The following SON variants were observed in gnomAD, a reference collection of about 807,000 sequenced individuals.
The protein encoded by SON is SON DNA and RNA binding protein, also known as protein SON.
SON carries 4 observed loss-of-function variants against 173.3 expected under a neutral mutation model. The ratio of observed to expected loss-of-function variants is 0.02; its 90% CI spans 0.01 to 0.05. The LOEUF is 0.05. Among genes scored for constraint, SON ranks in the 10% least tolerant of loss-of-function variants. The probability of loss-of-function intolerance (pLI) is 1.00; values close to 1 mark genes in which losing one functional copy is unlikely to be tolerated. For synonymous variants in SON, 1,190 were observed against 1,105.9 expected (o/e 1.08, Z -1.51); for missense variants, 2,626 against 3,055.3 (o/e 0.86, Z 3.31).
Position 33,577,196 on chromosome 21 carries a change from A to G in SON, c.*772A>G, listed in dbSNP as rs1180510228. ...AGAATTCTATTGCAGAGGCCAGTACATTTAGTATGGCATTGAGTTGTGATA... is the reference window on the plus strand; with the variant it reads ...AGAATTCTATTGCAGAGGCCAGTACGTTTAGTATGGCATTGAGTTGTGATA... On this transcript the variant is annotated 3_prime_UTR_variant, in exon 12 of 12. Transcript: ENST00000356577. 6.6e-6 allele frequency: 1 copy of G among 152,366 alleles called. No individual in the cohort carries two copies. The highest frequency in any genetic ancestry group is 6.5e-5 in the Admixed American group (1 of 15,298). 9.4% of individuals were successfully genotyped at this position (152,366 alleles called of 1,614,324 possible).
At chr21:33,572,836 G>C (rs2086316226) in intron 8 of SON, among the ~76,000 whole-genome samples, 1 of 151,176 alleles carries the variant, frequency 6.6e-6, no homozygotes, top group South Asian at 2.1e-4. Context: ...ATAGTAGAAT[G>C]GGGAAGAAAA....
chr21:33,571,335 T>G (rs527427344), intron 8 of SON, among the ~76,000 whole-genome samples: 1 of 152,352 alleles, frequency 6.6e-6, no homozygotes, highest in South Asian at 2.1e-4. Flanking sequence ...GTCTACTCAT[T>G]AAATGTTTAG....
At chr21:33,575,439 AAG>A (rs1216440422) in intron 9 of SON, 155 bp from the exon 10 acceptor site, 2 of 503,542 alleles carry the variant, frequency 4.0e-6, no homozygotes, top group East Asian at 3.0e-5. Flanking sequence ...AAAACAGTAA[AAG>A]AGAAGAAAGA....
chr21:33,552,402 T>C lies in SON; in HGVS notation c.3171T>C (p.Ser1057=), dbSNP rs766056975. The change falls in exon 3 of 12, where the codon TCT becomes TCC. Residue 1057 remains serine (S), a synonymous_variant. Coordinates refer to ENST00000356577, the MANE Select transcript of SON (RefSeq NM_138927.4). This position sits in a 1 kb window ranked among gnomAD's most constrained non-coding sequence, Gnocchi z 5.6. ...TGATGTCCCCTATGGCTGAGCGCTC[T>C]ATGATGTCAGCTTATGAACGCTCCA... The part of the protein sequence containing the change: ...RSMMSPMAER[S]MMSAYERSMM... The C allele has an allele frequency of 4.0e-5, 65 of 1,613,920 alleles. No homozygotes were observed. The highest frequency in any genetic ancestry group is 1.3e-4 in the South Asian group (12 of 91,082).
At position 33,567,445 on chromosome 21, in the gene SON, C is replaced by G. The variant is rs142969825; in HGVS notation, c.6768+178C>G. 3.5e-3 allele frequency: 2,091 copies of G among 589,872 alleles called. 5 individuals carry two copies. Among genetic ancestry groups the G allele is most frequent in the Non-Finnish European group, 4.5e-3 (1,452 of 322,892 alleles). The allele number at this position is 589,872 out of a possible 1,614,324, so 36.5% of individuals were successfully genotyped here. On this transcript the variant is annotated intron_variant, in intron 7 of 11. Coordinates refer to ENST00000356577, the MANE Select transcript of SON (RefSeq NM_138927.4). ...GTGATTCGAGGCCTGATCATTTATT[C>G]AATAAATGTTTATTGTTTACTATGT... is the stretch of plus-strand genomic sequence containing the variant.
At chr21:33,546,449 T>C (rs2085619290) in intron 2 of SON, 70 bp downstream of exon 2, 2 of 1,284,898 alleles carry the variant, frequency 1.6e-6, no homozygotes, top group African/African-American at 3.0e-5. Flanking sequence ...AAGGTTAATG[T>C]TAGTTTTTGA....
At chr21:33,547,502 T>C (rs1323660651) in intron 2 of SON, among the ~76,000 whole-genome samples, 1 of 152,150 alleles carries the variant, frequency 6.6e-6, no homozygotes, top group African/African-American at 2.4e-5. Flanking sequence ...TGTAATATGG[T>C]TGGTTTGTCC....
chr21:33,576,666 CAT>C lies in SON; in HGVS notation c.*243_*244del, dbSNP rs1417123328. The C allele has an allele frequency of 3.3e-6, 2 of 610,518 alleles. No individual in the cohort carries two copies. The highest frequency in any genetic ancestry group is 3.7e-5 in the African/African-American group (2 of 53,970). 37.8% of individuals were successfully genotyped at this position (610,518 alleles called of 1,614,324 possible). On this transcript the variant is annotated 3_prime_UTR_variant, in exon 12 of 12. Coordinates refer to ENST00000356577, the MANE Select transcript of SON (RefSeq NM_138927.4). ...GTTGTAAATATTTGGCAATTTAAGACATTGTGTAAAAAGCAATCTGTAAAAAC... is the reference window on the plus strand; with the variant it reads ...GTTGTAAATATTTGGCAATTTAAGACTGTGTAAAAAGCAATCTGTAAAAAC...
At position 33,553,025 on chromosome 21, in the gene SON, A is replaced by C; in HGVS notation, c.3794A>C (p.Glu1265Ala). The C allele has an allele frequency of 6.2e-7, 1 of 1,612,580 alleles. No homozygotes were observed. Among genetic ancestry groups the C allele is most frequent in the Non-Finnish European group, 8.5e-7 (1 of 1,178,634 alleles). ...PESSITLTPV[E>A]SAVVAEEHEV... Reference sequence around the variant, plus strand: ...TCTTCAATTACGTTAACACCTGTAGAGTCTGCAGTAGTAGCAGAAGAACAT... The same window carrying C: ...TCTTCAATTACGTTAACACCTGTAGCGTCTGCAGTAGTAGCAGAAGAACAT... The change falls in exon 3 of 12, where the codon GAG (glutamate) becomes GCG (alanine). Residue 1265 changes from glutamate (E) to alanine (A), a missense_variant. Transcript: ENST00000356577.
At chr21:33,575,090 T>C (rs190038404) in intron 9 of SON, among the ~76,000 whole-genome samples, 3 of 152,184 alleles carry the variant, frequency 2.0e-5, no homozygotes, top group Admixed American at 2.0e-4. Flanking sequence ...GCCCAGGCTG[T>C]CAGTGGCACG....
rs1015757368 is a variant in SON, at chr21:33,550,217, C to T, written c.986C>T (p.Pro329Leu). ...AGCACATCAACAACAATGGATTTTC[C>T]AGAGTCATCTGCAATTGAAGCGCTA... Reference protein sequence around the residue: ...EPSTSTTMDFPESSAIEALRL... With the variant: ...EPSTSTTMDFLESSAIEALRL... Residue 329 changes from proline to leucine, a missense_variant, in exon 3 of 12, where the codon CCA (proline) becomes CTA (leucine). Pro to Leu is a moderately conservative substitution (Grantham distance 98). Coordinates refer to ENST00000356577, the MANE Select transcript of SON (RefSeq NM_138927.4). The T allele has an allele frequency of 6.2e-7, 1 of 1,614,146 alleles. No homozygotes were observed. Among genetic ancestry groups the T allele is most frequent in the Non-Finnish European group, 8.5e-7 (1 of 1,180,060 alleles).
chr21:33,555,332 G>C lies in SON; in HGVS notation c.6101G>C (p.Arg2034Pro). Residue 2034 changes from arginine (R) to proline (P), a missense_variant, in exon 3 of 12, where the codon CGT (arginine) becomes CCT (proline). By Grantham distance (103) the Arg-to-Pro change is moderately radical. Coordinates refer to ENST00000356577, the MANE Select transcript of SON (RefSeq NM_138927.4). Reference protein sequence around the residue: ...LRRRFSRSPIRRKRSRSSERG... With the variant: ...LRRRFSRSPIPRKRSRSSERG... ...AGAAGGTTTAGCAGATCTCCCATCC[G>C]TCGTAAAAGATCCAGGTCTTCTGAA... The C allele has an allele frequency of 6.3e-7, 1 of 1,598,424 alleles. No homozygotes were observed.
intron 6 of SON, chr21:33,560,860 A>G (rs1285104854): frequency 6.6e-6 from 1 of 152,484 alleles, no homozygotes; most frequent in Non-Finnish European, 1.5e-5. Context: ...GGATATGTAG[A>G]TCAGAGACAC....
chr21:33,555,633 T>C (rs2085952253), intron 3 of SON, among the ~76,000 whole-genome samples: 1 of 152,200 alleles, frequency 6.6e-6, no homozygotes, highest in African/African-American at 2.4e-5. Flanking sequence ...TTTGAATGTT[T>C]TATTTTGTTT....
chr21:33,554,245 A>G lies in SON; in HGVS notation c.5014A>G (p.Asn1672Asp). 4 of 1,614,158 alleles carry G rather than the reference A, an allele frequency of 2.5e-6. No individual in the cohort carries two copies. The highest frequency in any genetic ancestry group is 3.4e-6 in the Non-Finnish European group (4 of 1,179,970). ...TATTCATCTTGATTTACCATCTAAT[A>G]ATAACCTTGTTAGTAAGGATACAGA... ...KDIHLDLPSNNNLVSKDTEEP... is the reference protein window; with the variant it reads ...KDIHLDLPSNDNLVSKDTEEP... Residue 1672 changes from asparagine (N) to aspartate (D), a missense_variant, in exon 3 of 12, where the codon AAT (asparagine) becomes GAT (aspartate). Asn to Asp is a conservative substitution (Grantham distance 23, BLOSUM62 1). This residue lies in a region of SON where 1,006 missense variants were observed against 895.6 expected (regional missense o/e 1.12). Transcript: ENST00000356577.
In SON at chr21:33,567,284, TAAA is replaced by T. The variant is rs570697265; in HGVS notation, c.6768+23_6768+25del. 327 of 1,388,050 alleles carry T rather than the reference TAAA, an allele frequency of 2.4e-4. 3 individuals carry two copies. In the African/African-American group the frequency reaches 4.0e-3, roughly 17 times the overall value. 86.0% of individuals were successfully genotyped at this position (1,388,050 alleles called of 1,614,324 possible). On this transcript the variant is annotated intron_variant, in intron 7 of 11. Transcript: ENST00000356577. ...CAGGAAAGGGTATGTAGCAGTTTTT[TAAA>T]AAAAATTATTATTTACCATCAGCCA...
intron 6 of SON, among the ~76,000 whole-genome samples, chr21:33,565,082 G>A (rs2086142477): frequency 6.6e-6 from 1 of 152,092 alleles, no homozygotes; most frequent in South Asian, 2.1e-4. Flanking sequence ...GATTTGAAGA[G>A]TTTCATTCTG....
chr21:33,550,663 G>C lies in SON; in HGVS notation c.1432G>C (p.Glu478Gln). 6.2e-7 allele frequency: 1 copy of C among 1,614,060 alleles called. No individual in the cohort carries two copies. The highest frequency in any genetic ancestry group is 2.2e-5 in the East Asian group (1 of 44,858). ...ACCAGAGCCACCTGTGATGGCACAG[G>C]AGTTGCCAGGGCTGCCTTTGGTGAC... ...EVPEPPVMAQ[E>Q]LPGLPLVTAA... is the part of the protein sequence containing the mutation. Residue 478 changes from glutamate (E) to glutamine (Q), a missense_variant, in exon 3 of 12, where the codon GAG becomes CAG. Glu to Gln is a conservative substitution (Grantham distance 29). Transcript: ENST00000356577.
chr21:33,559,925 G>A lies in SON; in HGVS notation c.6657+150G>A, dbSNP rs1379986431. 3.5e-5 allele frequency: 56 copies of A among 1,612,786 alleles called. No homozygotes were observed. The highest frequency in any genetic ancestry group is 4.4e-5 in the Non-Finnish European group (52 of 1,179,082). Reference sequence around the variant, plus strand: ...GGTTAGACGACAGATGAAACAACCCGCAGCTTCTCATTTGACAGTAACTCG... The same window carrying A: ...GGTTAGACGACAGATGAAACAACCCACAGCTTCTCATTTGACAGTAACTCG... On this transcript the variant is annotated intron_variant, in intron 6 of 11. Transcript: ENST00000356577. This position sits in a 1 kb window ranked among gnomAD's most constrained non-coding sequence, Gnocchi z 4.1.
Sources: gnomAD v4.1 joint callset for allele counts (sites outside exome capture counted in the v4.1 genomes callset) on GRCh38, gnomAD v4.1.1 for gene constraint, gnomAD v4.1.1 regional missense constraint, Gnocchi (gnomAD v3.1) non-coding constraint, MANE v1.5 for transcripts, NCBI Gene and HGNC (gene_info 2026-07-23, HGNC 2026-07-21) for gene names.